The following PLXNB1 variants were observed in gnomAD, a reference collection of about 807,000 sequenced individuals.
PLXNB1 encodes plexin-B1.
A neutral mutation model predicts 209.4 loss-of-function variants in PLXNB1; 106 were observed. The ratio of observed to expected loss-of-function variants is 0.51; its 90% CI spans 0.43 to 0.59. The LOEUF (loss-of-function observed/expected upper bound fraction) is 0.59, where lower values mean the gene tolerates loss of function less well. Among genes scored for constraint, PLXNB1 ranks in the 20% least tolerant of loss-of-function variants. The probability of loss-of-function intolerance (pLI) is 0.00; values close to 1 mark genes in which losing one functional copy is unlikely to be tolerated. For missense variants in PLXNB1, 2,357 were observed against 2,853.2 expected (o/e 0.83, Z 3.96); for synonymous variants, 1,167 against 1,183.2 (o/e 0.99, Z 0.28).
chr3:48,423,546 T>C lies in PLXNB1; in HGVS notation c.1066A>G (p.Ile356Val), dbSNP rs571891500. 1.9e-6 allele frequency: 3 copies of C among 1,614,140 alleles called. No homozygotes were observed. In the South Asian group the frequency reaches 3.3e-5, roughly 18 times the overall value. ...CAGTCAGAATTGACATCATACTCGA[T>C]GTAGGCCACCTCGGTCCCATCCTCA... Reference protein sequence around the residue: ...RAEDGTEVAYIEYDVNSDCAQ... With the variant: ...RAEDGTEVAYVEYDVNSDCAQ... Residue 356 changes from isoleucine to valine, a missense_variant, in exon 3 of 38, where the codon ATC (isoleucine) becomes GTC (valine). Physicochemically the swap from Ile to Val is conservative, Grantham distance 29. Coordinates refer to ENST00000296440, the MANE Select transcript of PLXNB1 (RefSeq NM_001130082.3).
rs778679984 is a variant in PLXNB1 at position 48,410,004 on chromosome 3, C to T, written c.5679G>A (p.Pro1893=). The change falls in exon 32 of 38, where the codon CCG becomes CCA. Residue 1893 remains proline, a synonymous_variant. Coordinates refer to ENST00000296440, the MANE Select transcript of PLXNB1 (RefSeq NM_001130082.3). This position sits in a 1 kb window ranked among gnomAD's most constrained non-coding sequence, Gnocchi z 6.4. ...TGCCCCTCCGAGGCCTGGGCGGCTC[C>T]GGCTCATCACTTGGCTTCACCAGGT... ...PWHLVKPSDE[P]EPPRPRRGSL... 2.2e-5 allele frequency: 36 copies of T among 1,612,660 alleles called. No homozygotes were observed. The South Asian group carries it at 2.3e-4, about 10-fold the overall frequency.
intron 6 of PLXNB1, 63 bp from the exon 7 acceptor site, chr3:48,421,869 G>C: frequency 6.4e-7 from 1 of 1,554,682 alleles, no homozygotes; most frequent in Non-Finnish European, 8.7e-7. Context: ...CATAGGGTAG[G>C]GACTCCTACA....
chr3:48,427,303 G>A (rs973532869), intron 1 of PLXNB1, among the ~76,000 whole-genome samples: 2 of 152,152 alleles, frequency 1.3e-5, no homozygotes, highest in Non-Finnish European at 2.9e-5. Context: ...CAGGGAAAGT[G>A]GTCAGGCTTC....
Position 48,414,932 on chromosome 3 carries a change from T to C in PLXNB1, c.4076A>G (p.Asn1359Ser), listed in dbSNP as rs1459350857. 8 of 1,613,874 alleles carry C rather than the reference T, an allele frequency of 5.0e-6. No individual in the cohort carries two copies. Among genetic ancestry groups the C allele is most frequent in the South Asian group, 3.3e-5 (3 of 91,084 alleles). Reference protein sequence around the residue: ...PWVRVEFILDNLVFDFATLNP... With the variant: ...PWVRVEFILDSLVFDFATLNP... ...CAGTGTTGCAAAGTCAAAGACCAGG[T>C]TGTCAAGGATAAATTCCACCCGGAC... The change falls in exon 21 of 38, where the codon AAC becomes AGC. Residue 1359 changes from asparagine (N) to serine (S), a missense_variant. Asn to Ser is a conservative substitution (Grantham distance 46). Coordinates refer to ENST00000296440, the MANE Select transcript of PLXNB1 (RefSeq NM_001130082.3).
At position 48,424,370 on chromosome 3, in the gene PLXNB1, G is replaced by A; in HGVS notation, c.242C>T (p.Pro81Leu). 1 of 1,555,238 alleles carries A rather than the reference G, an allele frequency of 6.4e-7. No homozygotes were observed. Among genetic ancestry groups the A allele is most frequent in the Non-Finnish European group, 8.7e-7 (1 of 1,148,944 alleles). ...GGGGCACTCATCAGGCATCACAGGTGGCAGGCAGTCCCTGCTGTCTAGCAC... is the reference window on the plus strand; with the variant it reads ...GGGGCACTCATCAGGCATCACAGGTAGCAGGCAGTCCCTGCTGTCTAGCAC... ...GPVLDSRDCL[P>L]PVMPDECPQA... is the part of the protein sequence containing the mutation. The change falls in exon 3 of 38, where the codon CCA (proline) becomes CTA (leucine). Residue 81 changes from proline to leucine, a missense_variant. Physicochemically the swap from Pro to Leu is moderately conservative, Grantham distance 98. Transcript: ENST00000296440.
chr3:48,407,085 G>T lies in PLXNB1; in HGVS notation c.6094C>A (p.Pro2032Thr). 6.2e-7 allele frequency: 1 copy of T among 1,614,016 alleles called. No homozygotes were observed. Among genetic ancestry groups the T allele is most frequent in the Non-Finnish European group, 8.5e-7 (1 of 1,179,920 alleles). ...CGTGCATACAGAAGTTTGTTGATCG[G>T]GGAGTCCTGGACATAGCAGGAGGAC... is the stretch of plus-strand genomic sequence containing the variant. ...LADHKLGRDS[P>T]INKLLYARDI... The change falls in exon 35 of 38, where the codon CCG becomes ACG. Residue 2032 changes from proline to threonine, a missense_variant. Physicochemically the swap from Pro to Thr is conservative, Grantham distance 38 (BLOSUM62 -1). Coordinates refer to ENST00000296440, the MANE Select transcript of PLXNB1 (RefSeq NM_001130082.3).
rs1161180632 is a variant in PLXNB1 at position 48,423,508 on chromosome 3, T to G, written c.1104A>C (p.Pro368=). ...GTGGGGCAATACTGGAACTCACCAC[T>G]GGCAGCTGTGCACAGTCAGAATTGA... ...YDVNSDCAQL[P]VDTLDAYPCG... The change falls in exon 3 of 38, where the codon CCA becomes CCC. Residue 368 remains proline (P), a synonymous_variant. Transcript: ENST00000296440. 1 of 1,610,504 alleles carries G rather than the reference T, an allele frequency of 6.2e-7. No homozygotes were observed. The highest frequency in any genetic ancestry group is 8.5e-7 in the Non-Finnish European group (1 of 1,176,960).
At chr3:48,421,013 G>A in intron 8 of PLXNB1, 57 bp from the exon 9 acceptor site, 2 of 1,448,078 alleles carry the variant, frequency 1.4e-6, no homozygotes, top group South Asian at 1.2e-5. Flanking sequence ...CTCAGACCCA[G>A]AGCCGATATC....
Position 48,416,372 on chromosome 3 carries a change from C to T in PLXNB1, c.3454G>A (p.Val1152Ile). The T allele has an allele frequency of 6.2e-7, 1 of 1,612,812 alleles. No homozygotes were observed. Among genetic ancestry groups the T allele is most frequent in the African/African-American group, 1.3e-5 (1 of 74,926 alleles). ...TGGTAGGCAAAGTCGTGTTCTGAGACACCACGTCCTCTTCCCGGCACCTCC... is the reference window on the plus strand; with the variant it reads ...TGGTAGGCAAAGTCGTGTTCTGAGATACCACGTCCTCTTCCCGGCACCTCC... ...AVEVPGRGRG[V>I]SEHDFAYQDP... The change falls in exon 17 of 38, where the codon GTC becomes ATC. Residue 1152 changes from valine (V) to isoleucine (I), a missense_variant. Val to Ile is a conservative substitution (Grantham distance 29). This residue lies in a region of PLXNB1 where 743 missense variants were observed against 896.2 expected (regional missense o/e 0.83). Coordinates refer to ENST00000296440, the MANE Select transcript of PLXNB1 (RefSeq NM_001130082.3). This position sits in a 1 kb window ranked among gnomAD's most constrained non-coding sequence, Gnocchi z 4.1.
intron 37 of PLXNB1, among the ~76,000 whole-genome samples, 175 bp from the exon 38 acceptor site, chr3:48,404,765 A>G (rs1332249625): frequency 1.3e-5 from 2 of 152,108 alleles, no homozygotes; most frequent in South Asian, 2.1e-4. Flanking sequence ...GAGGGGTAAT[A>G]ACATCAAAGT....
chr3:48,422,930 A>G lies in PLXNB1; in HGVS notation c.1125T>C (p.Tyr375=). The G allele has an allele frequency of 6.2e-7, 1 of 1,613,776 alleles. No individual in the cohort carries two copies. The highest frequency in any genetic ancestry group is 8.5e-7 in the Non-Finnish European group (1 of 1,179,874). ...TGGGCGTGTGGTCTGAGCCACAGGG[A>G]TAAGCATCCAGGGTGTCCTATAGGC... ...AQLPVDTLDA[Y]PCGSDHTPSP... Residue 375 remains tyrosine (Y), a synonymous_variant, in exon 4 of 38, where the codon TAT becomes TAC. Coordinates refer to ENST00000296440, the MANE Select transcript of PLXNB1 (RefSeq NM_001130082.3).
Position 48,415,442 on chromosome 3 carries a change from C to T in PLXNB1, c.3795-95G>A. 6.9e-7 allele frequency: 1 copy of T among 1,458,612 alleles called. No homozygotes were observed. Among genetic ancestry groups the T allele is most frequent in the East Asian group, 2.5e-5 (1 of 40,596 alleles). 90.4% of individuals were successfully genotyped at this position (1,458,612 alleles called of 1,614,324 possible). A position where few individuals can be genotyped will look rare whatever the true frequency, so the allele number is the denominator to read the frequency against. On this transcript the variant is annotated intron_variant, in intron 19 of 37. Coordinates refer to ENST00000296440, the MANE Select transcript of PLXNB1 (RefSeq NM_001130082.3). The surrounding 1 kb of genome is among the most constrained non-coding windows in gnomAD (Gnocchi z 5.0). ...CCCGGCTAGGTCAGCTCAGCCCCAG[C>T]CCCAAACCACACGACCCCTTGCCCC...
Position 48,417,110 on chromosome 3 carries a change from CAG to C in PLXNB1, c.3375-661_3375-660del, listed in dbSNP as rs1419796030. ...TATATGCTAATTGCTTCATAAATCA[CAG>C]CAGTCTTATGGTCTGGAACACTAAC... is the stretch of plus-strand genomic sequence containing the variant. On this transcript the variant is annotated intron_variant, in intron 16 of 37. Coordinates refer to ENST00000296440, the MANE Select transcript of PLXNB1 (RefSeq NM_001130082.3). This position sits in a 1 kb window ranked among gnomAD's most constrained non-coding sequence, Gnocchi z 4.4. Among the ~76,000 whole-genome samples, 4 of 152,224 alleles carry C rather than the reference CAG, an allele frequency of 2.6e-5. No homozygotes were observed. Among genetic ancestry groups the C allele is most frequent in the Non-Finnish European group, 5.9e-5 (4 of 68,046 alleles).
rs187235806 is a variant in PLXNB1 at position 48,424,683 on chromosome 3, T to A, written c.-6-66A>T. 3.4e-6 allele frequency: 5 copies of A among 1,474,914 alleles called. No homozygotes were observed. The Admixed American group carries it at 1.0e-4, about 30-fold the overall frequency. The allele number at this position is 1,474,914 out of a possible 1,614,324, so 91.4% of individuals were successfully genotyped here. ...CGCCAGAGCACCCTGGGGCCACTGG[T>A]AAGGGATAGGACTGTGGCATTGCCA... On this transcript the variant is annotated intron_variant, in intron 2 of 37. Transcript: ENST00000296440.
chr3:48,415,067 GA>G lies in PLXNB1; in HGVS notation c.3967-27del, dbSNP rs2037983878. The stretch of plus-strand genomic sequence containing the variant: ...CTGGAAGGAAGACAGGCAGGTTGAC[GA>G]GGGGCCAAGCAAAGATGGGAAGAGC... On this transcript the variant is annotated intron_variant, in intron 20 of 37. Coordinates refer to ENST00000296440, the MANE Select transcript of PLXNB1 (RefSeq NM_001130082.3). The surrounding 1 kb of genome is among the most constrained non-coding windows in gnomAD (Gnocchi z 5.0). 7 of 1,610,430 alleles carry G rather than the reference GA, an allele frequency of 4.3e-6. No homozygotes were observed. The highest frequency in any genetic ancestry group is 5.9e-6 in the Non-Finnish European group (7 of 1,177,720).
chr3:48,412,907 G>T lies in PLXNB1; in HGVS notation c.4689C>A (p.Ile1563=). 3 of 1,614,142 alleles carry T rather than the reference G, an allele frequency of 1.9e-6. No homozygotes were observed. The highest frequency in any genetic ancestry group is 2.5e-6 in the Non-Finnish European group (3 of 1,180,046). The change falls in exon 25 of 38, where the codon ATC becomes ATA. Residue 1563 remains isoleucine, a synonymous_variant. Coordinates refer to ENST00000296440, the MANE Select transcript of PLXNB1 (RefSeq NM_001130082.3). The part of the protein sequence containing the change: ...DLTSDLLGSG[I]PFLDYKVYAE... ...CATACACCTTGTAGTCGAGGAAGGG[G>T]ATGCCGCTGCCCAGGAGGTCACTGG...
chr3:48,405,786 C>A lies in PLXNB1; in HGVS notation c.6241G>T (p.Asp2081Tyr). 6.2e-7 allele frequency: 1 copy of A among 1,613,532 alleles called. No individual in the cohort carries two copies. Among genetic ancestry groups the A allele is most frequent in the Non-Finnish European group, 8.5e-7 (1 of 1,179,750 alleles). ...TGCAGGGCCACTCGCGCCCCGAGGTCTCCGGAGTAGTTCTAGGGAAGAGGC... is the reference window on the plus strand; with the variant it reads ...TGCAGGGCCACTCGCGCCCCGAGGTATCCGGAGTAGTTCTAGGGAAGAGGC... Reference protein sequence around the residue: ...LAELSWNYSGDLGARVALHEL... With the variant: ...LAELSWNYSGYLGARVALHEL... Residue 2081 changes from aspartate (D) to tyrosine (Y), a missense_variant, in exon 37 of 38, where the codon GAC becomes TAC. Around this residue, in one of 7 missense-constraint regions of PLXNB1, gnomAD observed 414 missense variants for 520.5 expected, o/e 0.80. Transcript: ENST00000296440. The surrounding 1 kb of genome is among the most constrained non-coding windows in gnomAD (Gnocchi z 5.0).
rs957511664 is a variant in PLXNB1, at chr3:48,422,086, A to G, written c.1520+19T>C. ...TTGTGGGCTTGAGGCTGGGGCTGGG[A>G]TGGGGTCAGAAATCTGACCTGCCAA... On this transcript the variant is annotated intron_variant, in intron 6 of 37. Transcript: ENST00000296440. 1.3e-5 allele frequency: 20 copies of G among 1,599,872 alleles called. No individual in the cohort carries two copies. Among genetic ancestry groups the G allele is most frequent in the Non-Finnish European group, 1.6e-5 (19 of 1,167,306 alleles).
chr3:48,412,743 T>C lies in PLXNB1; in HGVS notation c.4853A>G (p.Lys1618Arg). Reference sequence around the variant, plus strand: ...CCAGGAAGATGCAGCTGGGGGTACCTTGGTGAGGAAGAGCTTGCTGTTGAG... The same window carrying C: ...CCAGGAAGATGCAGCTGGGGGTACCCTGGTGAGGAAGAGCTTGCTGTTGAG... ...NLLNSKLFLT[K>R]FIHTLESQRT... Residue 1618 changes from lysine (K) to arginine (R), a missense_variant and splice_region_variant, in exon 25 of 38, where the codon AAG (lysine) becomes AGG (arginine). This residue lies in a region of PLXNB1 where 743 missense variants were observed against 896.2 expected (regional missense o/e 0.83). Coordinates refer to ENST00000296440, the MANE Select transcript of PLXNB1 (RefSeq NM_001130082.3). 1 of 1,611,912 alleles carries C rather than the reference T, an allele frequency of 6.2e-7. No homozygotes were observed. Among genetic ancestry groups the C allele is most frequent in the South Asian group, 1.1e-5 (1 of 91,060 alleles).
Sources: allele counts gnomAD v4.1 joint callset (sites outside exome capture counted in the v4.1 genomes callset), GRCh38; gene constraint gnomAD v4.1.1; regional missense constraint gnomAD v4.1.1; non-coding constraint Gnocchi (gnomAD v3.1); transcripts MANE v1.5; gene names NCBI Gene and HGNC (gene_info 2026-07-23, HGNC 2026-07-21).